SYT16: variants seen among roughly 807,000 people sequenced by gnomAD.
The protein encoded by SYT16 is synaptotagmin-16.
Under a neutral mutation model 61.4 loss-of-function variants are expected in SYT16, and 42 were observed. That is an observed-to-expected ratio of 0.68 (90% CI 0.53 to 0.89). SYT16 has a LOEUF of 0.89. Among genes scored for constraint, SYT16 ranks in the 40% least tolerant of loss-of-function variants. The pLI is 0.00. For missense variants in SYT16, 804 were observed against 807.3 expected (o/e 1.00, Z 0.05); for synonymous variants, 314 against 302.3 (o/e 1.04, Z -0.40).
intron 1 of SYT16, chr14:61,897,358 A>G (rs1471045892): frequency 1.3e-5 from 2 of 152,208 alleles, no homozygotes; most frequent in Non-Finnish European, 2.9e-5. Context: ...GTCTACAGGT[A>G]AGAGCAAAGC....
At position 61,996,466 on chromosome 14, in the gene SYT16, G is replaced by A. The variant is rs201658725; in HGVS notation, c.447G>A (p.Lys149=). 153 of 1,613,280 alleles carry A rather than the reference G, an allele frequency of 9.5e-5. No homozygotes were observed. The highest frequency in any genetic ancestry group is 1.7e-4 in the Middle Eastern group (1 of 6,050). ...SIAEEEHHLE[K]QRSGLQHGFD... is the part of the protein sequence containing the mutation. The stretch of plus-strand genomic sequence containing the variant: ...CGGAGGAAGAGCATCACCTTGAAAA[G>A]CAAAGAAGTGGCCTTCAACATGGCT... Residue 149 remains lysine, a synonymous_variant, in exon 3 of 8, where the codon AAG becomes AAA. Transcript: ENST00000683842.
chr14:62,057,502 A>G (rs1566805928), intron 3 of SYT16, among the ~76,000 whole-genome samples: 1 of 152,182 alleles, frequency 6.6e-6, no homozygotes, highest in Non-Finnish European at 1.5e-5. Context: ...AACTCACAAT[A>G]TAAATAGGAA....
At chr14:61,866,649 G>A (rs1351136851) in intron 1 of SYT16, among the ~76,000 whole-genome samples, 3 of 152,042 alleles carry the variant, frequency 2.0e-5, no homozygotes, top group Admixed American at 6.6e-5. Context: ...GGGTTCTTTA[G>A]TGTGCATACA....
intron 3 of SYT16, among the ~76,000 whole-genome samples, chr14:62,021,927 C>T (rs1392709846): frequency 1.3e-5 from 2 of 152,108 alleles, no homozygotes; most frequent in Non-Finnish European, 2.9e-5. Context: ...AGTATCTTGT[C>T]TCCCTTTGGA....
chr14:61,912,528 A>G (rs1197811496), intron 1 of SYT16, among the ~76,000 whole-genome samples: 1 of 152,214 alleles, frequency 6.6e-6, no homozygotes, highest in Non-Finnish European at 1.5e-5. Context: ...AATGAACTAC[A>G]TTTTTAATCA....
rs2047920004 is a variant in SYT16 at position 61,886,871 on chromosome 14, TTTTTTTG to T, written c.-325+74063_-325+74069del. On this transcript the variant is annotated intron_variant, in intron 1 of 7. Coordinates refer to ENST00000683842, the MANE Select transcript of SYT16 (RefSeq NM_001367656.1). ...TCTTTAAGGGGAGTTACGCTTATTTTTTTTTTGTCTTTTTTTTTTTTTTTGTCTTTTT... is the reference window on the plus strand; with the variant it reads ...TCTTTAAGGGGAGTTACGCTTATTTTTCTTTTTTTTTTTTTTTGTCTTTTT... Among the ~76,000 whole-genome samples the T allele has an allele frequency of 1.8e-4, 24 of 132,188 alleles. 1 individual carries two copies. The South Asian group carries it at 2.9e-3, about 16-fold the overall frequency. The allele number at this position is 132,188 out of a possible 152,430, so 86.7% of individuals were successfully genotyped here.
chr14:61,842,440 G>C (rs971637710), intron 1 of SYT16, among the ~76,000 whole-genome samples: 1 of 152,058 alleles, frequency 6.6e-6, no homozygotes, highest in Non-Finnish European at 1.5e-5. Context: ...GTCTTTCTGT[G>C]CCTGGTTTAT....
intron 1 of SYT16, among the ~76,000 whole-genome samples, chr14:61,834,780 G>T (rs1280147164): frequency 6.6e-6 from 1 of 152,082 alleles, no homozygotes; most frequent in Non-Finnish European, 1.5e-5. Context: ...CATCTATCCA[G>T]TTGTACTGGT....
At chr14:62,017,340 T>C (rs1208713406) in intron 3 of SYT16, among the ~76,000 whole-genome samples, 2 of 152,188 alleles carry the variant, frequency 1.3e-5, no homozygotes, top group African/African-American at 4.8e-5. Context: ...TTGGTCTCTC[T>C]TCCTGATATC....
chr14:62,097,658 G>T (rs1178313441), intron 7 of SYT16, among the ~76,000 whole-genome samples: 7 of 152,164 alleles, frequency 4.6e-5, no homozygotes, highest in Non-Finnish European at 1.0e-4. Flanking sequence ...CTTCAGACTG[G>T]ATTGCTTTTA....
Position 62,106,813 on chromosome 14 carries a change from C to G in SYT16, c.*6106C>G, listed in dbSNP as rs928324825. 1 of 152,038 alleles carries G rather than the reference C, an allele frequency of 6.6e-6. No individual in the cohort carries two copies. Among genetic ancestry groups the G allele is most frequent in the Non-Finnish European group, 1.5e-5 (1 of 67,998 alleles). 9.4% of individuals were successfully genotyped at this position (152,038 alleles called of 1,614,324 possible). On this transcript the variant is annotated 3_prime_UTR_variant, in exon 8 of 8. Coordinates refer to ENST00000683842, the MANE Select transcript of SYT16 (RefSeq NM_001367656.1). ...CAGACAATAATCACCTTATTTATAT[C>G]CACTGTGGAACCTGTGAAACAGCTC...
intron 1 of SYT16, among the ~76,000 whole-genome samples, chr14:61,917,526 G>A (rs758800809): frequency 6.6e-6 from 1 of 152,146 alleles, no homozygotes; most frequent in Non-Finnish European, 1.5e-5. Context: ...AAGGGGAAAC[G>A]TTCCCAACCA....
intron 2 of SYT16, among the ~76,000 whole-genome samples, chr14:61,970,788 T>C (rs1210277906): frequency 6.6e-6 from 1 of 152,182 alleles, no homozygotes; most frequent in Admixed American, 6.5e-5. Context: ...ATAATTGGCT[T>C]CCTGCTCTTA....
At chr14:62,008,089 T>A (rs150537107) in intron 3 of SYT16, among the ~76,000 whole-genome samples, 6,736 of 152,142 alleles carry the variant, frequency 0.044, 172 homozygotes, top group African/African-American at 0.056. Flanking sequence ...TTCTTACCTG[T>A]GTGTTTGTGT....
intron 3 of SYT16, among the ~76,000 whole-genome samples, chr14:62,064,334 G>GAAAAAAA (rs781727444): frequency 6.3e-4 from 27 of 42,986 alleles, no homozygotes; most frequent in Non-Finnish European, 7.5e-4. Context: ...CTTTAAATTT[G>GAAAAAAA]AAAAAAAAAA....
chr14:61,866,011 A>G (rs554641544), intron 1 of SYT16, among the ~76,000 whole-genome samples: 1 of 152,334 alleles, frequency 6.6e-6, no homozygotes, highest in South Asian at 2.1e-4. Context: ...ATGATAGAAT[A>G]CATCCTACAG....
At chr14:62,044,496 C>T (rs1027490245) in intron 3 of SYT16, among the ~76,000 whole-genome samples, 4 of 152,078 alleles carry the variant, frequency 2.6e-5, no homozygotes, top group Non-Finnish European at 1.5e-5. Context: ...GTTCCCCTCC[C>T]TCTGTCCATG....
chr14:61,818,391 T>A (rs2045507306), intron 1 of SYT16, among the ~76,000 whole-genome samples: 1 of 152,062 alleles, frequency 6.6e-6, no homozygotes, highest in Non-Finnish European at 1.5e-5. Flanking sequence ...CAATAATAGA[T>A]GACAGCAGCC....
chr14:61,963,983 C>T (rs912644857), intron 1 of SYT16, among the ~76,000 whole-genome samples: 11 of 152,200 alleles, frequency 7.2e-5, no homozygotes, highest in East Asian at 1.9e-4. Context: ...ATTGTAAACC[C>T]GCTGTTGAGA....
Sources: gnomAD v4.1 joint callset for allele counts (sites outside exome capture counted in the v4.1 genomes callset) on GRCh38, gnomAD v4.1.1 for gene constraint, MANE v1.5 for transcripts, NCBI Gene and HGNC (gene_info 2026-07-23, HGNC 2026-07-21) for gene names.